Variants in SLC13A5 observed in about 807,000 individuals in gnomAD.
SLC13A5 encodes Na(+)/citrate cotransporter.
A neutral mutation model predicts 56.5 loss-of-function variants in SLC13A5; 25 were observed. The ratio of observed to expected loss-of-function variants is 0.44; its 90% CI spans 0.32 to 0.62. The LOEUF is 0.62. Among genes scored for constraint, SLC13A5 ranks in the 20% least tolerant of loss-of-function variants. The pLI, the probability that SLC13A5 is intolerant of heterozygous loss-of-function variation, is 0.04. For synonymous variants in SLC13A5, 307 were observed against 301.5 expected (o/e 1.02, Z -0.19); for missense variants, 649 against 737.8 (o/e 0.88, Z 1.39).
rs562124329 is a variant in SLC13A5 at position 6,711,884 on chromosome 17, G to T, written c.102+1348C>A. Among the ~76,000 whole-genome samples the T allele has an allele frequency of 1.1e-3, 169 of 152,232 alleles. No individual in the cohort carries two copies. In the Middle Eastern group the frequency reaches 0.031, roughly 28 times the overall value. ...CCAGACTTCTTGCTACAGAGGAAGT[G>T]TGGCTGCCCACAGTTGGTGTGGCAA... On this transcript the variant is annotated intron_variant, in intron 1 of 11. Transcript: ENST00000433363. This position sits in a 1 kb window ranked among gnomAD's most constrained non-coding sequence, Gnocchi z 4.0.
Position 6,711,449 on chromosome 17 carries a change from A to G in SLC13A5, c.102+1783T>C, listed in dbSNP as rs1406540934. ...CTCTTACACACACACACATACACAC[A>G]CATACACACACACTGAGTTAGGGTT... On this transcript the variant is annotated intron_variant, in intron 1 of 11. Transcript: ENST00000433363. This position sits in a 1 kb window ranked among gnomAD's most constrained non-coding sequence, Gnocchi z 4.0. Among the ~76,000 whole-genome samples, 1 of 151,326 alleles carries G rather than the reference A, an allele frequency of 6.6e-6. No individual in the cohort carries two copies. The highest frequency in any genetic ancestry group is 2.4e-5 in the African/African-American group (1 of 41,152).
chr17:6,712,050 G>A (rs1477971338), intron 1 of SLC13A5, among the ~76,000 whole-genome samples: 1 of 152,158 alleles, frequency 6.6e-6, no homozygotes, highest in Non-Finnish European at 1.5e-5. Context: ...AAGCCTTAAA[G>A]TGTCAGAACC....
Position 6,706,829 on chromosome 17 carries a change from G to A in SLC13A5, c.232-51C>T, listed in dbSNP as rs567667328. 56 of 1,603,812 alleles carry A rather than the reference G, an allele frequency of 3.5e-5. 1 individual carries two copies. In the South Asian group the frequency reaches 5.9e-4, roughly 17 times the overall value. On this transcript the variant is annotated intron_variant, in intron 2 of 11. Transcript: ENST00000433363. Reference sequence around the variant, plus strand: ...CAGGACTGTCCCTTGCCACACACTAGAGCCACCCAGTCCCCAGATGCTGAC... The same window carrying A: ...CAGGACTGTCCCTTGCCACACACTAAAGCCACCCAGTCCCCAGATGCTGAC...
At chr17:6,709,902 C>T (rs916487070) in intron 1 of SLC13A5, among the ~76,000 whole-genome samples, 8 of 152,190 alleles carry the variant, frequency 5.3e-5, no homozygotes, top group African/African-American at 1.9e-4. Context: ...GTGTTTAGAG[C>T]ACCGCTGGCC....
intron 3 of SLC13A5, among the ~76,000 whole-genome samples, chr17:6,706,256 C>G (rs1048537415): frequency 1.3e-5 from 2 of 152,076 alleles, no homozygotes; most frequent in Non-Finnish European, 2.9e-5. Flanking sequence ...TTTCTGCTTC[C>G]CCATGAGCTG....
In SLC13A5 at chr17:6,693,178, A is replaced by AAACACACAC. The variant is rs1277420555; in HGVS notation, c.1157-17_1157-16insGTGTGTGTT. 1.5e-6 allele frequency: 1 copy of AAACACACAC among 655,690 alleles called. No individual in the cohort carries two copies. The highest frequency in any genetic ancestry group is 2.9e-5 in the Admixed American group (1 of 34,788). The allele number at this position is 655,690 out of a possible 1,614,324, so 40.6% of individuals were successfully genotyped here. ...GTTTTCCTTTCTGGGAAGAAAAAGAAACACACACACACACACACACACACA... is the reference window on the plus strand; with the variant it reads ...GTTTTCCTTTCTGGGAAGAAAAAGAAAACACACACACACACACACACACACACACACACA... On this transcript the variant is annotated splice_polypyrimidine_tract_variant and intron_variant, in intron 8 of 11. Coordinates refer to ENST00000433363, the MANE Select transcript of SLC13A5 (RefSeq NM_177550.5).
rs955929787 is a variant in SLC13A5, at chr17:6,701,539, G to A, written c.717-413C>T. Reference sequence around the variant, plus strand: ...GGCCTGGCCAACATGGTGAAACCCCGTCTCCACTAAAAATACAAAAATTAA... The same window carrying A: ...GGCCTGGCCAACATGGTGAAACCCCATCTCCACTAAAAATACAAAAATTAA... On this transcript the variant is annotated intron_variant, in intron 5 of 11. Transcript: ENST00000433363. The surrounding 1 kb of genome is among the most constrained non-coding windows in gnomAD (Gnocchi z 4.1). 3.3e-5 allele frequency among the ~76,000 whole-genome samples: 5 copies of A among 152,138 alleles called. No individual in the cohort carries two copies. Among genetic ancestry groups the A allele is most frequent in the Middle Eastern group, 3.4e-3 (1 of 294 alleles).
At chr17:6,703,289 G>T in intron 4 of SLC13A5, 151 bp from the exon 5 acceptor site, 1 of 974,330 alleles carries the variant, frequency 1.0e-6, no homozygotes, top group South Asian at 1.6e-5. Flanking sequence ...TGCTGGCAGG[G>T]ATGTGCCCGA....
Position 6,690,075 on chromosome 17 carries a change from A to C in SLC13A5, c.1437+704T>G, listed in dbSNP as rs1182067413. 1.1e-4 allele frequency: 12 copies of C among 111,136 alleles called. No homozygotes were observed. In the East Asian group the frequency reaches 2.4e-3, roughly 22 times the overall value. The allele number at this position is 111,136 out of a possible 1,614,324, so 6.9% of individuals were successfully genotyped here. ...AGAAGGAAATGCAAAAAAAAAAAAA[A>C]AAAAAAAAAAAAAAAAAAAACCATA... is the stretch of plus-strand genomic sequence containing the variant. On this transcript the variant is annotated intron_variant, in intron 10 of 11. Transcript: ENST00000433363.
At chr17:6,703,708 T>C (rs1349939948) in intron 4 of SLC13A5, among the ~76,000 whole-genome samples, 170 bp downstream of exon 4, 2 of 139,776 alleles carry the variant, frequency 1.4e-5, no homozygotes, top group Non-Finnish European at 3.1e-5. Context: ...TGTGCAATAA[T>C]CCCCTCCTAA....
chr17:6,691,026 T>A, intron 9 of SLC13A5, 86 bp from the exon 10 acceptor site: 1 of 1,439,664 alleles, frequency 6.9e-7, no homozygotes, highest in Admixed American at 2.2e-5. Context: ...CATCCTCCCC[T>A]CCCGACCCTC....
Position 6,692,451 on chromosome 17 carries a change from T to C in SLC13A5, c.1275+593A>G, listed in dbSNP as rs1272068172. Among the ~76,000 whole-genome samples the C allele has an allele frequency of 6.6e-6, 1 of 152,212 alleles. No individual in the cohort carries two copies. The highest frequency in any genetic ancestry group is 1.9e-4 in the East Asian group (1 of 5,202). ...CAATAACTAGACCAAGTCTGTCTAT[T>C]ACACTCCTGGATACTTGGGTAGGTA... is the stretch of plus-strand genomic sequence containing the variant. On this transcript the variant is annotated intron_variant, in intron 9 of 11. Transcript: ENST00000433363. The surrounding 1 kb of genome is among the most constrained non-coding windows in gnomAD (Gnocchi z 5.5).
At position 6,686,062 on chromosome 17, in the gene SLC13A5, G is replaced by A; in HGVS notation, c.*145C>T. On this transcript the variant is annotated 3_prime_UTR_variant, in exon 12 of 12. Transcript: ENST00000433363. ...TCTGCATCTGGGCTTGGAGGAAGAGGTGGCCCATTGGCTGGGTTTTGGTGG... is the reference window on the plus strand; with the variant it reads ...TCTGCATCTGGGCTTGGAGGAAGAGATGGCCCATTGGCTGGGTTTTGGTGG... The A allele has an allele frequency of 8.8e-7, 1 of 1,135,348 alleles. No homozygotes were observed. 70.3% of individuals were successfully genotyped at this position (1,135,348 alleles called of 1,614,324 possible). A position where few individuals can be genotyped will look rare whatever the true frequency, so the allele number is the denominator to read the frequency against.
At chr17:6,694,584 C>CT (rs1250486523) in intron 7 of SLC13A5, among the ~76,000 whole-genome samples, 2 of 152,042 alleles carry the variant, frequency 1.3e-5, no homozygotes, top group African/African-American at 4.8e-5. Flanking sequence ...GCACTCCAGC[C>CT]TGGGTGACAG....
chr17:6,691,319 T>A (rs1170262460), intron 9 of SLC13A5, among the ~76,000 whole-genome samples: 1 of 152,178 alleles, frequency 6.6e-6, no homozygotes, highest in Non-Finnish European at 1.5e-5. Flanking sequence ...CCCAGCAGGC[T>A]GGGAGTCATG....
chr17:6,696,023 G>A (rs1973552157), intron 6 of SLC13A5, 82 bp from the exon 7 acceptor site: 1 of 1,287,180 alleles, frequency 7.8e-7, no homozygotes, highest in Non-Finnish European at 1.1e-6. Context: ...ATGTTCTACA[G>A]CAGAATGTAG....
intron 6 of SLC13A5, among the ~76,000 whole-genome samples, chr17:6,697,606 T>A (rs1023309685): frequency 3.3e-5 from 5 of 152,186 alleles, no homozygotes; most frequent in Non-Finnish European, 4.4e-5. Context: ...TTCACCATGA[T>A]GCACCATGGT....
intron 6 of SLC13A5, among the ~76,000 whole-genome samples, chr17:6,698,752 C>T (rs1973625690): frequency 2.0e-5 from 3 of 152,088 alleles, no homozygotes; most frequent in African/African-American, 4.8e-5. Flanking sequence ...TTTAAGAGTG[C>T]TTGGGCCAGG....
intron 1 of SLC13A5, among the ~76,000 whole-genome samples, chr17:6,710,773 T>G (rs1379459605): frequency 6.6e-6 from 1 of 151,802 alleles, no homozygotes. Flanking sequence ...TGTGTGTGTG[T>G]GTGTGTGTGT....
Sources: allele counts gnomAD v4.1 joint callset (sites outside exome capture counted in the v4.1 genomes callset), GRCh38; gene constraint gnomAD v4.1.1; non-coding constraint Gnocchi (gnomAD v3.1); transcripts MANE v1.5; gene names NCBI Gene and HGNC (gene_info 2026-07-23, HGNC 2026-07-21).